The following NFATC3 variants were observed in gnomAD, a reference collection of about 807,000 sequenced individuals.
NFATC3 encodes nuclear factor of activated T cells 3, also known as nuclear factor of activated T-cells, cytoplasmic 3.
Under a neutral mutation model 98.6 loss-of-function variants are expected in NFATC3, and 46 were observed. The observed-to-expected ratio is 0.47, with a 90% CI of 0.37 to 0.60. NFATC3 has a LOEUF of 0.60. Ranked by LOEUF, NFATC3 falls within the 20% of genes least tolerant of loss-of-function variation. The probability of loss-of-function intolerance (pLI) is 0.00; values close to 1 mark genes in which losing one functional copy is unlikely to be tolerated. For missense variants in NFATC3, 1,256 were observed against 1,295.5 expected, an observed-to-expected ratio of 0.97 and a Z score of 0.47; for synonymous variants, 512 against 472.2, an observed-to-expected ratio of 1.08 and a Z score of -1.09.
At chr16:68,173,506 G>C (rs1369305751) in intron 5 of NFATC3, among the ~76,000 whole-genome samples, 1 of 152,118 alleles carries the variant, frequency 6.6e-6, no homozygotes, top group Non-Finnish European at 1.5e-5. Context: ...GGCAGAGGTT[G>C]CGGTGAGCCG....
At chr16:68,116,154 C>T (rs1451232965) in intron 1 of NFATC3, among the ~76,000 whole-genome samples, 1 of 151,974 alleles carries the variant, frequency 6.6e-6, no homozygotes, top group African/African-American at 2.4e-5. Context: ...TTTATGGATA[C>T]CAGAATTTGA....
intron 9 of NFATC3, among the ~76,000 whole-genome samples, chr16:68,222,053 G>A (rs777386733): frequency 3.1e-4 from 47 of 151,886 alleles, no homozygotes; most frequent in Non-Finnish European, 4.9e-4. Flanking sequence ...ACTTTAGGAG[G>A]CTGAGGCAGG....
At position 68,122,321 on chromosome 16, in the gene NFATC3, A is replaced by G. The variant is rs1456707926; in HGVS notation, c.438A>G (p.Arg146=). The change falls in exon 2 of 10, where the codon AGA becomes AGG. Residue 146 remains arginine (R), a synonymous_variant. Transcript: ENST00000346183. ...PEREFLERPS[R]DHLYLPLEPS... is the part of the protein sequence containing the mutation. ...GGGAATTTTTGGAAAGGCCTTCTAG[A>G]GATCATCTCTATCTTCCTCTTGAGC... 1.9e-6 allele frequency: 3 copies of G among 1,614,010 alleles called. No homozygotes were observed. The highest frequency in any genetic ancestry group is 2.7e-5 in the African/African-American group (2 of 74,916).
intron 8 of NFATC3, 151 bp downstream of exon 8, chr16:68,183,517 T>C: frequency 2.7e-6 from 2 of 731,338 alleles, no homozygotes; most frequent in Non-Finnish European, 4.3e-6. Flanking sequence ...TTGTTGACTT[T>C]AAATATTAGA....
chr16:68,148,365 G>T (rs1488180385), intron 3 of NFATC3, among the ~76,000 whole-genome samples: 1 of 151,652 alleles, frequency 6.6e-6, no homozygotes, highest in East Asian at 1.9e-4. Context: ...ATAGTTTTAT[G>T]GAATAGTTTC....
intron 1 of NFATC3, among the ~76,000 whole-genome samples, chr16:68,102,528 G>A (rs1166151880): frequency 6.6e-6 from 1 of 151,808 alleles, no homozygotes; most frequent in Non-Finnish European, 1.5e-5. Flanking sequence ...TTGTTGAAAA[G>A]TCTGATGCCA....
intron 9 of NFATC3, among the ~76,000 whole-genome samples, chr16:68,222,559 A>C (rs1438907152): frequency 1.3e-5 from 2 of 152,166 alleles, no homozygotes; most frequent in Non-Finnish European, 2.9e-5. Flanking sequence ...GCTTTTTGCC[A>C]CTGCTGTAAC....
chr16:68,088,398 T>C (rs1341648166), intron 1 of NFATC3, among the ~76,000 whole-genome samples: 3 of 146,242 alleles, frequency 2.1e-5, no homozygotes, highest in Admixed American at 7.0e-5. Flanking sequence ...ATTTCATATA[T>C]AATATATAAT....
At chr16:68,188,369 G>A (rs1268550345) in intron 8 of NFATC3, among the ~76,000 whole-genome samples, 5 of 152,160 alleles carry the variant, frequency 3.3e-5, no homozygotes, top group Non-Finnish European at 5.9e-5. Flanking sequence ...AGGGATGCCC[G>A]GGTCAGCAGC....
rs117766927 is a variant in NFATC3 at position 68,100,597 on chromosome 16, A to C, written c.103+14813A>C. Among the ~76,000 whole-genome samples, 416 of 152,024 alleles carry C rather than the reference A, an allele frequency of 2.7e-3. 1 individual carries two copies. Among genetic ancestry groups the C allele is most frequent in the East Asian group, 0.01 (53 of 5,182 alleles). ...TCAAAAACAAAACAAAACAAACAAAAAAAAAAACCAAACCTGCCAAATGTT... is the reference window on the plus strand; with the variant it reads ...TCAAAAACAAAACAAAACAAACAAACAAAAAAACCAAACCTGCCAAATGTT... On this transcript the variant is annotated intron_variant, in intron 1 of 9. Transcript: ENST00000346183.
intron 3 of NFATC3, among the ~76,000 whole-genome samples, chr16:68,131,528 T>A (rs140912340): frequency 0.038 from 5,753 of 152,206 alleles, 120 homozygotes; most frequent in Middle Eastern, 0.15. Flanking sequence ...TCCACCCACC[T>A]CGGCCTCCCA....
At chr16:68,087,500 A>G (rs1340253325) in intron 1 of NFATC3, among the ~76,000 whole-genome samples, 2 of 152,236 alleles carry the variant, frequency 1.3e-5, no homozygotes, top group South Asian at 2.1e-4. Flanking sequence ...TATTTGTCAC[A>G]TAAAGTCCAC....
intron 1 of NFATC3, among the ~76,000 whole-genome samples, chr16:68,095,481 G>A (rs889929331): frequency 1.3e-5 from 2 of 150,344 alleles, no homozygotes; most frequent in Non-Finnish European, 2.9e-5. Flanking sequence ...TGCCTCCCAA[G>A]TAGCTGGGAT....
intron 9 of NFATC3, among the ~76,000 whole-genome samples, chr16:68,193,428 G>T (rs573741194): frequency 1.4e-4 from 21 of 152,072 alleles, no homozygotes; most frequent in Admixed American, 1.4e-3. Flanking sequence ...GCTTTGGGAG[G>T]CCAAGGTAGG....
In NFATC3 at chr16:68,191,708, A is replaced by G; in HGVS notation, c.3039A>G (p.Lys1013=). The G allele has an allele frequency of 6.2e-7, 1 of 1,614,104 alleles. No homozygotes were observed. Among genetic ancestry groups the G allele is most frequent in the Middle Eastern group, 1.7e-4 (1 of 6,060 alleles). ...CTGATGGGGCAACTGTGAGCATTAA[A>G]CCTGAACCAGAAGATCGAGAGCCTA... is the stretch of plus-strand genomic sequence containing the variant. ...FPPDGATVSI[K]PEPEDREPNF... is the part of the protein sequence containing the mutation. Residue 1013 remains lysine (K), a synonymous_variant, in exon 9 of 10, where the codon AAA becomes AAG. Coordinates refer to ENST00000346183, the MANE Select transcript of NFATC3 (RefSeq NM_173165.3).
At chr16:68,199,370 C>T (rs1398123112) in intron 9 of NFATC3, among the ~76,000 whole-genome samples, 2 of 148,842 alleles carry the variant, frequency 1.3e-5, no homozygotes, top group African/African-American at 4.9e-5. Flanking sequence ...ACTACAGGCG[C>T]CCGCCACCAC....
At chr16:68,184,660 C>T (rs1057275934) in intron 8 of NFATC3, among the ~76,000 whole-genome samples, 25 of 151,854 alleles carry the variant, frequency 1.6e-4, no homozygotes, top group Admixed American at 1.1e-3. Context: ...AAAAATTAGC[C>T]GGGCGTGGTG....
In NFATC3 at chr16:68,157,112, T is replaced by C. The variant is rs181334082; in HGVS notation, c.1402-757T>C. Among the ~76,000 whole-genome samples the C allele has an allele frequency of 1.1e-3, 166 of 151,916 alleles. 2 individuals carry two copies. In the Middle Eastern group the frequency reaches 0.031, roughly 28 times the overall value. ...CTTTCACTACTGCGATTCAGCCTTA[T>C]GCTAGAAGTCCTAGCCAGAGCAATT... On this transcript the variant is annotated intron_variant, in intron 3 of 9. Transcript: ENST00000346183.
intron 9 of NFATC3, among the ~76,000 whole-genome samples, chr16:68,213,868 C>T (rs2041522655): frequency 6.6e-6 from 1 of 152,102 alleles, no homozygotes; most frequent in Non-Finnish European, 1.5e-5. Context: ...TTTGGCTGTA[C>T]ATATAGTTTT....
Sources: allele counts gnomAD v4.1 joint callset (sites outside exome capture counted in the v4.1 genomes callset), GRCh38; gene constraint gnomAD v4.1.1; transcripts MANE v1.5; gene names NCBI Gene and HGNC (gene_info 2026-07-23, HGNC 2026-07-21).